Variants in GPHN observed in about 807,000 individuals in gnomAD.
The protein encoded by GPHN is gephyrin.
Under a neutral mutation model 95.5 loss-of-function variants are expected in GPHN, and 17 were observed. That is an observed-to-expected ratio of 0.18 (90% confidence interval 0.12 to 0.27). The LOEUF is 0.27. GPHN is among the 10% of genes least tolerant of loss of function. The probability of loss-of-function intolerance (pLI) is 1.00; values close to 1 mark genes in which losing one functional copy is unlikely to be tolerated. For missense variants in GPHN, 660 were observed against 978.1 expected (o/e 0.67, Z 4.34); for synonymous variants, 320 against 322.5 (o/e 0.99, Z 0.08).
At chr14:67,308,920 A>G in the GPHN span, among the ~76,000 whole-genome samples, 67 of 152,306 alleles carry the variant, frequency 4.4e-4, no homozygotes, top group African/African-American at 1.4e-3. Context: ...CCTAAAAAAC[A>G]TGTAAATAAA....
intron 3 of GPHN, among the ~76,000 whole-genome samples, chr14:66,784,176 A>G (rs2059695204): frequency 6.6e-6 from 1 of 152,204 alleles, no homozygotes; most frequent in African/African-American, 2.4e-5. Flanking sequence ...AATAAAAATT[A>G]TAAAAGGAAC....
chr14:66,925,390 G>C (rs1317233670), intron 8 of GPHN, among the ~76,000 whole-genome samples: 2 of 151,800 alleles, frequency 1.3e-5, no homozygotes, highest in Non-Finnish European at 2.9e-5. Flanking sequence ...TATATTTTGG[G>C]GTACCCATTA....
chr14:66,628,547 C>T (rs1267005085), intron 1 of GPHN, among the ~76,000 whole-genome samples: 4 of 152,096 alleles, frequency 2.6e-5, no homozygotes, highest in South Asian at 2.1e-4. Flanking sequence ...GAGGTTGCTT[C>T]GGGTAGGTGA....
chr14:66,971,865 C>A (rs994030888), intron 9 of GPHN, among the ~76,000 whole-genome samples: 1 of 152,086 alleles, frequency 6.6e-6, no homozygotes, highest in Non-Finnish European at 1.5e-5. Context: ...CAAAAAGTCA[C>A]CTTCATTAAT....
At chr14:66,940,647 G>A (rs911165201) in intron 8 of GPHN, among the ~76,000 whole-genome samples, 2 of 152,150 alleles carry the variant, frequency 1.3e-5, no homozygotes, top group African/African-American at 4.8e-5. Context: ...AAGAAGCTTG[G>A]CTTAACTGGC....
At chr14:67,332,329 T>C in the GPHN span, among the ~76,000 whole-genome samples, 1 of 152,146 alleles carries the variant, frequency 6.6e-6, no homozygotes, top group Non-Finnish European at 1.5e-5. Context: ...CAGCAGATAG[T>C]ATAGGGCAAG....
rs1447403112 is a variant in GPHN, at chr14:67,169,049, A to G, written c.2079+13A>G. On this transcript the variant is annotated intron_variant, in intron 21 of 22. Transcript: ENST00000478722. ...CATCAAAGCAAGGGTAATGCTTTCT[A>G]ATGACCAGAAACCAAAATGGAAGCC... The G allele has an allele frequency of 1.3e-6, 2 of 1,540,714 alleles. No individual in the cohort carries two copies. Among genetic ancestry groups the G allele is most frequent in the African/African-American group, 1.4e-5 (1 of 73,438 alleles).
At chr14:67,668,122 T>C in the GPHN span, among the ~76,000 whole-genome samples, 1 of 152,160 alleles carries the variant, frequency 6.6e-6, no homozygotes, top group Non-Finnish European at 1.5e-5. Context: ...TGATTTAAAA[T>C]GGAAAACTTT....
At chr14:67,694,994 A>G in the GPHN span, among the ~76,000 whole-genome samples, 2 of 152,162 alleles carry the variant, frequency 1.3e-5, no homozygotes, top group Non-Finnish European at 2.9e-5. Context: ...CACCTGGTCA[A>G]TACCTTCCCA....
At chr14:67,182,034 G>A (rs78221881), downstream of GPHN, among the ~76,000 whole-genome samples, 748 of 152,232 alleles carry the variant, frequency 4.9e-3, 40 homozygotes, top group East Asian at 0.12. Flanking sequence ...AGTTGGTCTC[G>A]TCTTTCCAGT....
At chr14:66,669,497 G>C (rs2066173660) in intron 1 of GPHN, among the ~76,000 whole-genome samples, 1 of 127,676 alleles carries the variant, frequency 7.8e-6, no homozygotes, top group South Asian at 2.4e-4. Context: ...ATATTGAGTT[G>C]TTATTTTTTT....
chr14:67,534,593 G>A, the GPHN span, among the ~76,000 whole-genome samples: 5 of 151,986 alleles, frequency 3.3e-5, no homozygotes, highest in South Asian at 2.1e-4. Flanking sequence ...AATTCCTAAC[G>A]TATGGTTCAG....
intron 2 of GPHN, among the ~76,000 whole-genome samples, chr14:66,750,272 G>A (rs10137887): frequency 0.31 from 47,204 of 151,718 alleles, 11,150 homozygotes; most frequent in African/African-American, 0.64. Context: ...TCAGGTCTGT[G>A]TTTAGATTCA....
the GPHN span, chr14:67,347,329 A>G: frequency 8.4e-7 from 1 of 1,184,948 alleles, no homozygotes; most frequent in Middle Eastern, 2.0e-4. Context: ...ATCTAGCACC[A>G]TTTTCCAGAA....
chr14:67,649,603 G>C, the GPHN span: 1 of 152,184 alleles, frequency 6.6e-6, no homozygotes, highest in Non-Finnish European at 1.5e-5. Flanking sequence ...GACAAATCAG[G>C]AACACAGGTC....
chr14:67,292,491 A>AT, the GPHN span: 1 of 1,506,256 alleles, frequency 6.6e-7, no homozygotes, highest in Non-Finnish European at 9.2e-7. Context: ...ATTTTTGGAT[A>AT]CCTTTTCTTC....
chr14:67,122,481 A>C, intron 17 of GPHN, 104 bp downstream of exon 17: 1 of 974,506 alleles, frequency 1.0e-6, no homozygotes, highest in Non-Finnish European at 1.6e-6. Flanking sequence ...ATTTAATGTC[A>C]TAATTTTCAC....
the GPHN span, chr14:67,473,494 A>G: frequency 6.2e-7 from 1 of 1,614,156 alleles, no homozygotes; most frequent in Non-Finnish European, 8.5e-7. The surrounding 1 kb of genome is among the most constrained non-coding windows in gnomAD (Gnocchi z 6.5). Flanking sequence ...TCCTTGTCGA[A>G]GCGGAGGCGG....
chr14:67,313,315 G>T, the GPHN span, among the ~76,000 whole-genome samples: 4 of 152,226 alleles, frequency 2.6e-5, no homozygotes, highest in African/African-American at 9.6e-5. Flanking sequence ...TAAGTTCTGA[G>T]AAATGTGCCA....
Sources: gnomAD v4.1 joint callset for allele counts (sites outside exome capture counted in the v4.1 genomes callset) on GRCh38, gnomAD v4.1.1 for gene constraint, Gnocchi (gnomAD v3.1) non-coding constraint, MANE v1.5 for transcripts, NCBI Gene and HGNC (gene_info 2026-07-23, HGNC 2026-07-21) for gene names.